PRR16: variants seen among roughly 807,000 people sequenced by gnomAD.
PRR16 encodes protein Largen.
PRR16 carries 6 observed loss-of-function variants against 18.2 expected under a neutral mutation model. That is an observed-to-expected ratio of 0.33 (90% CI 0.18 to 0.65). The LOEUF (loss-of-function observed/expected upper bound fraction) is 0.65. Ranked by LOEUF, PRR16 falls within the 30% of genes least tolerant of loss-of-function variation. PRR16 has a pLI of 0.74. For synonymous variants in PRR16, 151 were observed against 147.8 expected, an observed-to-expected ratio of 1.02 and a Z score of -0.16; for missense variants, 412 against 376.6, an observed-to-expected ratio of 1.09 and a Z score of -0.78.
intron 1 of PRR16, among the ~76,000 whole-genome samples, chr5:120,621,159 A>G (rs1484032899): frequency 6.6e-6 from 1 of 152,086 alleles, no homozygotes; most frequent in Non-Finnish European, 1.5e-5. Flanking sequence ...CTGCCCTTAT[A>G]TGAATTCCTT....
chr5:120,748,860 G>A, the PRR16 span, among the ~76,000 whole-genome samples: 1 of 152,046 alleles, frequency 6.6e-6, no homozygotes, highest in Non-Finnish European at 1.5e-5. Flanking sequence ...ATCTAGAAAC[G>A]TCAGAATGAA....
chr5:120,788,821 C>T, the PRR16 span, among the ~76,000 whole-genome samples: 3 of 152,030 alleles, frequency 2.0e-5, no homozygotes, highest in African/African-American at 7.2e-5. Context: ...TGGTTTTAAT[C>T]TTGGAGATAG....
chr5:120,782,424 TG>T, the PRR16 span, among the ~76,000 whole-genome samples: 2 of 152,196 alleles, frequency 1.3e-5, no homozygotes, highest in Non-Finnish European at 2.9e-5. Flanking sequence ...TCTTTCAAAT[TG>T]TGTTTTAAAA....
chr5:120,685,461 A>G (rs1757090269), intron 1 of PRR16, among the ~76,000 whole-genome samples: 1 of 152,138 alleles, frequency 6.6e-6, no homozygotes, highest in African/African-American at 2.4e-5. Context: ...ATATCCTCAG[A>G]GGGCTTGAAA....
In PRR16 at chr5:120,666,839, T is replaced by C. The variant is rs537152081; in HGVS notation, c.160-19115T>C. On this transcript the variant is annotated intron_variant, in intron 1 of 1. Transcript: ENST00000407149. ...TGATCATGGTGGATAAGCTTTTTGA[T>C]GTGCTGCTGGATTCAGTTTGCCAGT... is the stretch of plus-strand genomic sequence containing the variant. 3.4e-5 allele frequency among the ~76,000 whole-genome samples: 5 copies of C among 148,594 alleles called. No individual in the cohort carries two copies. The South Asian group carries it at 1.1e-3, about 33-fold the overall frequency.
chr5:120,793,202 G>C, the PRR16 span, among the ~76,000 whole-genome samples: 1 of 152,044 alleles, frequency 6.6e-6, no homozygotes, highest in Admixed American at 6.6e-5. Flanking sequence ...TGACAATATG[G>C]TATAACCTTG....
Position 120,627,943 on chromosome 5 carries a change from A to G in PRR16, c.160-58011A>G, listed in dbSNP as rs557630624. Among the ~76,000 whole-genome samples the G allele has an allele frequency of 1.3e-3, 191 of 152,230 alleles. 1 individual carries two copies. The South Asian group carries it at 0.018, about 15-fold the overall frequency. The stretch of plus-strand genomic sequence containing the variant: ...AAGTTTGTGGTTTCTTTAAAACAAT[A>G]TCTCTTGATCTATTCTTAGCATAAT... On this transcript the variant is annotated intron_variant, in intron 1 of 1. Coordinates refer to ENST00000407149, the MANE Select transcript of PRR16 (RefSeq NM_001300783.2).
intron 1 of PRR16, among the ~76,000 whole-genome samples, chr5:120,466,367 C>T (rs950992316): frequency 6.6e-6 from 1 of 151,994 alleles, no homozygotes; most frequent in Non-Finnish European, 1.5e-5. Context: ...TTTCTATGGG[C>T]GATGTGGAAA....
chr5:120,676,128 CTGTT>C (rs1025591331), intron 1 of PRR16, among the ~76,000 whole-genome samples: 5 of 151,926 alleles, frequency 3.3e-5, no homozygotes, highest in African/African-American at 1.2e-4. Flanking sequence ...TTTATTGTCA[CTGTT>C]TGTTTTAGTA....
At chr5:120,490,756 C>G (rs905726694) in intron 1 of PRR16, among the ~76,000 whole-genome samples, 1 of 6,128 alleles carries the variant, frequency 1.6e-4, no homozygotes, top group Non-Finnish European at 3.8e-4. Flanking sequence ...AGTTTTTCTG[C>G]TCTGTTTTTT....
chr5:120,586,088 A>G (rs1227026392), intron 1 of PRR16, among the ~76,000 whole-genome samples: 2 of 151,680 alleles, frequency 1.3e-5, no homozygotes, highest in Non-Finnish European at 2.9e-5. Flanking sequence ...CAGGAGAATC[A>G]TGTGAACCAG....
chr5:120,582,904 A>C (rs1162715513), intron 1 of PRR16, among the ~76,000 whole-genome samples: 1 of 152,244 alleles, frequency 6.6e-6, no homozygotes. Flanking sequence ...GGTGGCTTGA[A>C]ACAGCAATAA....
chr5:120,528,831 G>C (rs1751455033), intron 1 of PRR16, among the ~76,000 whole-genome samples: 1 of 152,152 alleles, frequency 6.6e-6, no homozygotes, highest in African/African-American at 2.4e-5. Context: ...TACTGATGAG[G>C]AGTACAAGAG....
At chr5:120,681,937 T>C (rs972184063) in intron 1 of PRR16, among the ~76,000 whole-genome samples, 3 of 152,222 alleles carry the variant, frequency 2.0e-5, no homozygotes, top group Admixed American at 1.3e-4. Context: ...TTGTTTATAT[T>C]TTCTTGTTTG....
intron 1 of PRR16, among the ~76,000 whole-genome samples, chr5:120,631,298 A>C (rs1459201004): frequency 1.3e-5 from 2 of 152,124 alleles, no homozygotes; most frequent in Non-Finnish European, 2.9e-5. Context: ...TTGCACCAAG[A>C]ACTACTGCAG....
At chr5:120,615,384 C>CTTTTTTTTTTTTTTTTTTTTTTT (rs10717083) in intron 1 of PRR16, among the ~76,000 whole-genome samples, 1 of 119,484 alleles carries the variant, frequency 8.4e-6, no homozygotes, top group South Asian at 2.7e-4. Context: ...TCTTTCTTTT[C>CTTTTTTTTTTTTTTTTTTTTTTT]TTTTTTTTTT....
chr5:120,688,865 A>C (rs897856372), downstream of PRR16, among the ~76,000 whole-genome samples: 3 of 152,176 alleles, frequency 2.0e-5, no homozygotes, highest in Admixed American at 2.0e-4. Flanking sequence ...TGGTTGAGTA[A>C]GGATATTGAG....
At chr5:120,476,651 C>T (rs1477162249) in intron 1 of PRR16, among the ~76,000 whole-genome samples, 1 of 152,064 alleles carries the variant, frequency 6.6e-6, no homozygotes, top group African/African-American at 2.4e-5. Flanking sequence ...TCAAGAACAT[C>T]ATGAACAATC....
intron 1 of PRR16, among the ~76,000 whole-genome samples, chr5:120,486,219 C>T (rs1288234618): frequency 1.3e-5 from 2 of 152,152 alleles, no homozygotes; most frequent in African/African-American, 4.8e-5. Flanking sequence ...CCTGAAGAAT[C>T]GCCACACTGA....
Sources: allele counts gnomAD v4.1 joint callset (sites outside exome capture counted in the v4.1 genomes callset), GRCh38; gene constraint gnomAD v4.1.1; transcripts MANE v1.5; gene names NCBI Gene and HGNC (gene_info 2026-07-23, HGNC 2026-07-21).